Variants in CTBP1 observed in about 807,000 individuals in gnomAD.
The protein encoded by CTBP1 is C-terminal binding protein 1.
In CTBP1, 11 loss-of-function variants were observed where a neutral mutation model predicts 42.1. That is an observed-to-expected ratio of 0.26 (90% CI 0.16 to 0.43). The LOEUF is 0.43. CTBP1 is among the 20% of genes least tolerant of loss of function. CTBP1 has a pLI of 1.00. For synonymous variants in CTBP1, 324 were observed against 277.1 expected (o/e 1.17, Z -1.68); for missense variants, 399 against 624.3 (o/e 0.64, Z 3.85).
chr4:1,224,337 G>A (rs1051084674), intron 5 of CTBP1, among the ~76,000 whole-genome samples: 1 of 152,056 alleles, frequency 6.6e-6, no homozygotes, highest in Non-Finnish European at 1.5e-5. Flanking sequence ...CATGTGTGAT[G>A]TCTGTGTGGG....
chr4:1,232,041 T>C (rs1338811243), intron 3 of CTBP1, among the ~76,000 whole-genome samples: 1 of 152,260 alleles, frequency 6.6e-6, no homozygotes, highest in Non-Finnish European at 1.5e-5. Flanking sequence ...GGGAGGAGTC[T>C]TTGAATATAT....
intron 3 of CTBP1, chr4:1,236,794 T>G (rs548199042): frequency 3.0e-6 from 2 of 659,830 alleles, no homozygotes; most frequent in South Asian, 1.6e-5. Context: ...CACCTCCTGA[T>G]GGGGCTCAGG....
Position 1,213,569 on chromosome 4 carries a change from G to T in CTBP1, c.897C>A (p.Leu299=). Reference sequence around the variant, plus strand: ...ACCATGCAGCATGGGGGGTGCAGATGAGGTTGGGTGCATCCTTCAGAGGGC... The same window carrying T: ...ACCATGCAGCATGGGGGGTGCAGATTAGGTTGGGTGCATCCTTCAGAGGGC... ...SQGPLKDAPN[L]ICTPHAAWYS... The change falls in exon 8 of 10, where the codon CTC becomes CTA. Residue 299 remains leucine, a synonymous_variant. Coordinates refer to ENST00000382952, the MANE Select transcript of CTBP1 (RefSeq NM_001012614.2). 1 of 1,613,340 alleles carries T rather than the reference G, an allele frequency of 6.2e-7. No homozygotes were observed. Among genetic ancestry groups the T allele is most frequent in the Non-Finnish European group, 8.5e-7 (1 of 1,179,928 alleles).
At chr4:1,216,441 C>T (rs1385810839) in intron 5 of CTBP1, 4 of 594,950 alleles carry the variant, frequency 6.7e-6, no homozygotes, top group African/African-American at 5.6e-5. Flanking sequence ...GTACACTAGC[C>T]CCTCGGCCCA....
intron 5 of CTBP1, among the ~76,000 whole-genome samples, chr4:1,222,959 T>G (rs1007817732): frequency 1.3e-5 from 2 of 151,846 alleles, no homozygotes; most frequent in Admixed American, 6.6e-5. Flanking sequence ...CCACAGTCCC[T>G]CGTACACCTC....
At chr4:1,215,536 C>A in intron 6 of CTBP1, 1 of 252,642 alleles carries the variant, frequency 4.0e-6, no homozygotes, top group Non-Finnish European at 7.9e-6. Flanking sequence ...CTGAGCACAG[C>A]CCGTTCCAGC....
In CTBP1 at chr4:1,225,636, G is replaced by A. The variant is rs942554044; in HGVS notation, c.308-70C>T. 136 of 1,440,894 alleles carry A rather than the reference G, an allele frequency of 9.4e-5. No homozygotes were observed. In the Middle Eastern group the frequency reaches 1.2e-3, roughly 13 times the overall value. 89.3% of individuals were successfully genotyped at this position (1,440,894 alleles called of 1,614,324 possible). A position where few individuals can be genotyped will look rare whatever the true frequency, so the allele number is the denominator to read the frequency against. On this transcript the variant is annotated intron_variant, in intron 4 of 9. Transcript: ENST00000382952. ...CCTCCGGGAGGACACCGGGGCCGCC[G>A]TGACTGGAGCGGGTTTGAAGCTTCC...
chr4:1,225,268 C>G, intron 5 of CTBP1, 92 bp downstream of exon 5: 5 of 1,422,982 alleles, frequency 3.5e-6, no homozygotes, highest in Non-Finnish European at 4.7e-6. Context: ...AGCAGCCCCA[C>G]CCCGCCCCGG....
rs1460790640 is a variant in CTBP1, at chr4:1,212,235, CCGGG to C, written c.*1_*4del. 2 of 1,463,422 alleles carry C rather than the reference CCGGG, an allele frequency of 1.4e-6. No individual in the cohort carries two copies. The highest frequency in any genetic ancestry group is 9.1e-7 in the Non-Finnish European group (1 of 1,104,758). 90.7% of individuals were successfully genotyped at this position (1,463,422 alleles called of 1,614,324 possible). A position where few individuals can be genotyped will look rare whatever the true frequency, so the allele number is the denominator to read the frequency against. On this transcript the variant is annotated 3_prime_UTR_variant, in exon 10 of 10. Coordinates refer to ENST00000382952, the MANE Select transcript of CTBP1 (RefSeq NM_001012614.2). ...AGGCGCCGAGGCTGGAGAGCTCCTC[CCGGG>C]CTACAACTGGTCACTGGCGTGGTCT...
At chr4:1,228,809 T>C (rs552877031) in intron 3 of CTBP1, among the ~76,000 whole-genome samples, 39 of 152,114 alleles carry the variant, frequency 2.6e-4, no homozygotes, top group Non-Finnish European at 5.4e-4. Flanking sequence ...GGCCCGGGGA[T>C]GCAGGTAGAA....
At chr4:1,215,018 T>C (rs6840663) in intron 6 of CTBP1, among the ~76,000 whole-genome samples, 9,213 of 152,312 alleles carry the variant, frequency 0.06, 464 homozygotes, top group East Asian at 0.21. Flanking sequence ...AGGGCTTTCC[T>C]GCAGCCCCCC....
At chr4:1,245,062 G>T in intron 1 of CTBP1, 7 of 983,932 alleles carry the variant, frequency 7.1e-6, no homozygotes, top group Non-Finnish European at 4.8e-6. Context: ...ACCTCCCCCA[G>T]ACAGACAAGG....
chr4:1,226,903 G>A (rs193050193), intron 4 of CTBP1, among the ~76,000 whole-genome samples: 61 of 152,130 alleles, frequency 4.0e-4, no homozygotes, highest in Middle Eastern at 3.4e-3. Context: ...GTCCCCCGCA[G>A]GAACACAGAC....
intron 5 of CTBP1, 148 bp downstream of exon 5, chr4:1,225,212 T>C: frequency 1.1e-6 from 1 of 914,672 alleles, no homozygotes; most frequent in Non-Finnish European, 1.6e-6. Flanking sequence ...CGGGCCCTGG[T>C]GCCTGTGCGC....
At chr4:1,248,818 G>C in intron 1 of CTBP1, 98 bp downstream of exon 1, 2 of 924,160 alleles carry the variant, frequency 2.2e-6, no homozygotes, top group Non-Finnish European at 2.6e-6. Context: ...GCGGCCCGCG[G>C]GCGCGCGCTC....
intron 3 of CTBP1, among the ~76,000 whole-genome samples, chr4:1,229,776 G>C (rs927528682): frequency 6.6e-6 from 1 of 152,176 alleles, no homozygotes; most frequent in Non-Finnish European, 1.5e-5. Flanking sequence ...ACAGTGCCCG[G>C]ACCTCCAGCT....
chr4:1,212,202 C>T lies in CTBP1; in HGVS notation c.*38G>A. The T allele has an allele frequency of 7.1e-7, 1 of 1,402,562 alleles. No homozygotes were observed. Among genetic ancestry groups the T allele is most frequent in the Non-Finnish European group, 9.3e-7 (1 of 1,073,524 alleles). 86.9% of individuals were successfully genotyped at this position (1,402,562 alleles called of 1,614,324 possible). On this transcript the variant is annotated 3_prime_UTR_variant, in exon 10 of 10. Coordinates refer to ENST00000382952, the MANE Select transcript of CTBP1 (RefSeq NM_001012614.2). Reference sequence around the variant, plus strand: ...ACTCTGGTCCGAGGGTTTCCGGGCCCTCTGCCCAGGCGCCGAGGCTGGAGA... The same window carrying T: ...ACTCTGGTCCGAGGGTTTCCGGGCCTTCTGCCCAGGCGCCGAGGCTGGAGA...
intron 3 of CTBP1, among the ~76,000 whole-genome samples, chr4:1,228,725 G>C (rs1006879403): frequency 6.6e-6 from 1 of 152,154 alleles, no homozygotes; most frequent in Non-Finnish European, 1.5e-5. Context: ...ACAGGAGGGG[G>C]GGTGCGGCCA....
rs781271935 is a variant in CTBP1, at chr4:1,213,029, G to C, written c.990C>G (p.Gly330=). 6.2e-7 allele frequency: 1 copy of C among 1,613,600 alleles called. No individual in the cohort carries two copies. Among genetic ancestry groups the C allele is most frequent in the Non-Finnish European group, 8.5e-7 (1 of 1,179,780 alleles). The change falls in exon 9 of 10, where the codon GGC becomes GGG. Residue 330 remains glycine, a splice_region_variant and synonymous_variant. Coordinates refer to ENST00000382952, the MANE Select transcript of CTBP1 (RefSeq NM_001012614.2). The part of the protein sequence containing the change: ...AAREIRRAIT[G]RIPDSLKNCV... ...AGTTCTTCAGGCTGTCTGGGATCCG[G>C]CCTGGGAGATGCAGGAGGAAGGAAC...
Sources: allele counts gnomAD v4.1 joint callset (sites outside exome capture counted in the v4.1 genomes callset), GRCh38; gene constraint gnomAD v4.1.1; transcripts MANE v1.5; gene names NCBI Gene and HGNC (gene_info 2026-07-23, HGNC 2026-07-21).